SLC44A5: variants seen among roughly 807,000 people sequenced by gnomAD.
The protein encoded by SLC44A5 is solute carrier family 44 member 5.
In SLC44A5, 57 loss-of-function variants were observed where a neutral mutation model predicts 101.8. The ratio of observed to expected loss-of-function variants is 0.56; its 90% CI spans 0.45 to 0.70. SLC44A5 has a LOEUF of 0.70. Among genes scored for constraint, SLC44A5 ranks in the 30% least tolerant of loss-of-function variants. The pLI is 0.00. For synonymous variants in SLC44A5, 281 were observed against 290.9 expected (o/e 0.97, Z 0.35); for missense variants, 737 against 853.1 (o/e 0.86, Z 1.70).
At chr1:75,683,898 C>G in the SLC44A5 span, among the ~76,000 whole-genome samples, 2 of 150,946 alleles carry the variant, frequency 1.3e-5, no homozygotes, top group East Asian at 2.0e-4. Flanking sequence ...AAACAGAAAA[C>G]AAAAAAGAGC....
chr1:75,453,082 T>C lies in SLC44A5; in HGVS notation c.14-56461A>G, dbSNP rs7534627. Among the ~76,000 whole-genome samples the C allele has an allele frequency of 3.6e-3, 546 of 152,258 alleles. 2 individuals are homozygous for C. The highest frequency in any genetic ancestry group is 0.013 in the African/African-American group (530 of 41,582). ...AATACTCCATCTAGCAACCACAGAA[T>C]ATATATTCTTCTCATTTGCACACAG... On this transcript the variant is annotated intron_variant, in intron 2 of 23. Coordinates refer to ENST00000370859, the MANE Select transcript of SLC44A5 (RefSeq NM_001130058.2).
intron 2 of SLC44A5, among the ~76,000 whole-genome samples, chr1:75,496,899 C>CTT (rs1668706120): frequency 6.6e-6 from 1 of 152,018 alleles, no homozygotes; most frequent in Admixed American, 6.6e-5. Flanking sequence ...TATCACTAAT[C>CTT]ATCAGGGAAA....
At chr1:75,645,556 A>T in the SLC44A5 span, among the ~76,000 whole-genome samples, 1 of 150,840 alleles carries the variant, frequency 6.6e-6, no homozygotes, top group Admixed American at 6.6e-5. Flanking sequence ...GATTGCAAAA[A>T]TTTTCTCCCA....
rs200535155 is a variant in SLC44A5, at chr1:75,537,042, C to A, written c.13+4393G>T. Among the ~76,000 whole-genome samples, 9 of 79,206 alleles carry A rather than the reference C, an allele frequency of 1.1e-4. No homozygotes were observed. In the East Asian group the frequency reaches 1.4e-3, roughly 12 times the overall value. The allele number at this position is 79,206 out of a possible 152,430, so 52.0% of individuals were successfully genotyped here. A position where few individuals can be genotyped will look rare whatever the true frequency, so the allele number is the denominator to read the frequency against. On this transcript the variant is annotated intron_variant, in intron 2 of 23. Transcript: ENST00000370859. ...AAAAAAAAAAAAAAAAAATATATAT[C>A]TATGCCAAATGATTCTGAATATGTA...
intron 1 of SLC44A5, among the ~76,000 whole-genome samples, chr1:75,570,405 G>C (rs1176046325): frequency 6.6e-6 from 1 of 152,106 alleles, no homozygotes; most frequent in Non-Finnish European, 1.5e-5. Flanking sequence ...CAAAGAGAAA[G>C]GCTAAACCTC....
chr1:75,427,949 A>G (rs1664405675), intron 2 of SLC44A5, among the ~76,000 whole-genome samples: 1 of 152,178 alleles, frequency 6.6e-6, no homozygotes, highest in African/African-American at 2.4e-5. Context: ...GGATGGAGCC[A>G]TGTTTCTAGG....
chr1:75,443,011 C>T (rs1665296645), intron 2 of SLC44A5, among the ~76,000 whole-genome samples: 1 of 152,124 alleles, frequency 6.6e-6, no homozygotes, highest in Admixed American at 6.6e-5. Flanking sequence ...TTTCAAAAAT[C>T]TTGGAATTGA....
intron 4 of SLC44A5, among the ~76,000 whole-genome samples, chr1:75,332,697 T>C (rs1261815425): frequency 2.6e-5 from 4 of 152,180 alleles, no homozygotes; most frequent in Non-Finnish European, 5.9e-5. Context: ...GGTTCATTCA[T>C]ATAAAGAAGT....
At chr1:75,392,638 A>G (rs770657004) in intron 3 of SLC44A5, among the ~76,000 whole-genome samples, 4 of 152,196 alleles carry the variant, frequency 2.6e-5, no homozygotes, top group Non-Finnish European at 4.4e-5. Flanking sequence ...TCAACCTAGC[A>G]ATCCCATTGC....
chr1:75,210,096 G>T (rs1466624080), intron 23 of SLC44A5, among the ~76,000 whole-genome samples: 1 of 151,896 alleles, frequency 6.6e-6, no homozygotes, highest in East Asian at 1.9e-4. Flanking sequence ...ACTCAGGCTG[G>T]AATACAGTGG....
intron 1 of SLC44A5, among the ~76,000 whole-genome samples, chr1:75,575,602 C>T (rs1453929638): frequency 6.6e-6 from 1 of 152,016 alleles, no homozygotes; most frequent in Non-Finnish European, 1.5e-5. Flanking sequence ...TTTTTAACTC[C>T]ACAATTGTTT....
At chr1:75,367,885 A>T (rs1659968313) in intron 3 of SLC44A5, among the ~76,000 whole-genome samples, 1 of 152,162 alleles carries the variant, frequency 6.6e-6, no homozygotes, top group Non-Finnish European at 1.5e-5. Flanking sequence ...AATGGCTGAG[A>T]AATTATTGTT....
At chr1:75,350,088 C>G (rs115015157) in intron 3 of SLC44A5, among the ~76,000 whole-genome samples, 1,844 of 152,196 alleles carry the variant, frequency 0.012, 37 homozygotes, top group African/African-American at 0.043. Context: ...CCGCGCCCCC[C>G]CCAACTCCAG....
intron 1 of SLC44A5, among the ~76,000 whole-genome samples, chr1:75,548,476 T>A (rs1671769558): frequency 6.6e-6 from 1 of 152,172 alleles, no homozygotes; most frequent in Admixed American, 6.5e-5. Flanking sequence ...ATTACTAATT[T>A]TTTTTTATTT....
At chr1:75,671,689 A>G in the SLC44A5 span, among the ~76,000 whole-genome samples, 1 of 152,174 alleles carries the variant, frequency 6.6e-6, no homozygotes, top group Admixed American at 6.5e-5. Flanking sequence ...GGCAAAGAGA[A>G]TTGATAGTGA....
chr1:75,402,785 C>T (rs944670039), intron 2 of SLC44A5, among the ~76,000 whole-genome samples: 2 of 152,144 alleles, frequency 1.3e-5, no homozygotes, highest in Admixed American at 6.5e-5. Context: ...GGCAGACACT[C>T]AGCTCAGCTG....
chr1:75,257,993 T>A (rs1415352914), intron 6 of SLC44A5, among the ~76,000 whole-genome samples: 1 of 152,068 alleles, frequency 6.6e-6, no homozygotes, highest in African/African-American at 2.4e-5. Context: ...CATTAGGGAC[T>A]GTATCATGCA....
chr1:75,499,903 T>C (rs1178522087), intron 2 of SLC44A5, among the ~76,000 whole-genome samples: 3 of 152,180 alleles, frequency 2.0e-5, no homozygotes, highest in African/African-American at 7.2e-5. Flanking sequence ...GGTGTGGGTA[T>C]GCTAACTTAG....
At chr1:75,299,030 A>G (rs776615133) in intron 5 of SLC44A5, among the ~76,000 whole-genome samples, 1 of 152,214 alleles carries the variant, frequency 6.6e-6, no homozygotes, top group Non-Finnish European at 1.5e-5. Context: ...TATGTAACAC[A>G]TTTCAATTCT....
Sources: gnomAD v4.1 joint callset for allele counts (sites outside exome capture counted in the v4.1 genomes callset) on GRCh38, gnomAD v4.1.1 for gene constraint, MANE v1.5 for transcripts, NCBI Gene and HGNC (gene_info 2026-07-23, HGNC 2026-07-21) for gene names.